COL6A5: variants seen among roughly 807,000 people sequenced by gnomAD.
COL6A5 encodes collagen type VI alpha 5 chain.
In COL6A5, 48 loss-of-function variants were observed where a neutral mutation model predicts 65.6. That is an observed-to-expected ratio of 0.73 (90% CI 0.58 to 0.93). The LOEUF (loss-of-function observed/expected upper bound fraction) is 0.93. Among genes scored for constraint, COL6A5 ranks in the 40% least tolerant of loss-of-function variants. COL6A5 has a pLI of 0.00. For synonymous variants in COL6A5, 291 were observed against 322.8 expected (o/e 0.90, Z 1.05); for missense variants, 914 against 928.3 (o/e 0.98, Z 0.20).
At chr3:130,385,562 G>T (rs1936157646) in intron 5 of COL6A5, among the ~76,000 whole-genome samples, 198 bp downstream of exon 5, 1 of 151,990 alleles carries the variant, frequency 6.6e-6, no homozygotes, top group African/African-American at 2.4e-5. Flanking sequence ...ATAAACAGTT[G>T]CCCCAAGGCC....
chr3:130,376,946 T>C, intron 3 of COL6A5, 110 bp downstream of exon 3: 1 of 1,244,326 alleles, frequency 8.0e-7, no homozygotes, highest in Non-Finnish European at 1.1e-6. Flanking sequence ...CATGTTGAAG[T>C]ATTGGAAACT....
chr3:130,454,780 G>A (rs1441220104), intron 4 of COL6A5, among the ~76,000 whole-genome samples: 1 of 152,104 alleles, frequency 6.6e-6, no homozygotes, highest in Non-Finnish European at 1.5e-5. Context: ...TTTCCATGGT[G>A]ATTGGTATCA....
At chr3:130,437,614 A>G (rs930799732) in intron 1 of COL6A5, among the ~76,000 whole-genome samples, 2 of 151,994 alleles carry the variant, frequency 1.3e-5, no homozygotes, top group African/African-American at 4.8e-5. Flanking sequence ...TCTACCACCC[A>G]ATCCCTCTTA....
chr3:130,355,688 T>C (rs1265599711), intron 1 of COL6A5, among the ~76,000 whole-genome samples: 2 of 151,438 alleles, frequency 1.3e-5, no homozygotes, highest in African/African-American at 4.8e-5. Context: ...AGAAAATGAA[T>C]GGAAACGTGA....
At chr3:130,386,995 A>G (rs1411119914) in intron 5 of COL6A5, among the ~76,000 whole-genome samples, 3 of 152,048 alleles carry the variant, frequency 2.0e-5, no homozygotes. Flanking sequence ...CACAGTACAG[A>G]ATATCATTTT....
intron 7 of COL6A5, among the ~76,000 whole-genome samples, chr3:130,480,781 A>T (rs1205069007): frequency 2.6e-5 from 4 of 152,138 alleles, no homozygotes; most frequent in Non-Finnish European, 5.9e-5. Flanking sequence ...AACCTCTCTA[A>T]GATTCTGTTT....
intron 7 of COL6A5, among the ~76,000 whole-genome samples, chr3:130,483,134 T>C (rs1710291876): frequency 6.6e-6 from 1 of 152,160 alleles, no homozygotes; most frequent in East Asian, 1.9e-4. Context: ...CTAAGCTTTA[T>C]AAGCGAAGGA....
At chr3:130,414,179 C>A in intron 22 of COL6A5, 48 bp downstream of exon 22, 1 of 1,362,836 alleles carries the variant, frequency 7.3e-7, no homozygotes, top group South Asian at 1.3e-5. Context: ...TAAAGTTATT[C>A]TGATGGGAAG....
intron 5 of COL6A5, among the ~76,000 whole-genome samples, chr3:130,460,750 G>A (rs184863802): frequency 3.9e-5 from 6 of 151,960 alleles, no homozygotes; most frequent in African/African-American, 1.4e-4. Flanking sequence ...GGTGGTGGTG[G>A]TAATATTGGT....
chr3:130,417,505 T>C (rs1937378814), intron 24 of COL6A5, among the ~76,000 whole-genome samples: 1 of 152,010 alleles, frequency 6.6e-6, no homozygotes, highest in South Asian at 2.1e-4. Flanking sequence ...CAGAAACAAC[T>C]CTAAAAGATC....
chr3:130,371,440 A>T (rs886219591), intron 1 of COL6A5, among the ~76,000 whole-genome samples: 1 of 152,212 alleles, frequency 6.6e-6, no homozygotes, highest in African/African-American at 2.4e-5. Flanking sequence ...AAGGTAGCAT[A>T]ATCAAGACTA....
intron 10 of COL6A5, among the ~76,000 whole-genome samples, chr3:130,399,324 C>G (rs1037367455): frequency 6.6e-6 from 1 of 151,902 alleles, no homozygotes; most frequent in Non-Finnish European, 1.5e-5. Flanking sequence ...GGGAGCTTTG[C>G]AGAACCTGGC....
At chr3:130,363,965 G>C (rs1935235328) in intron 1 of COL6A5, among the ~76,000 whole-genome samples, 1 of 152,260 alleles carries the variant, frequency 6.6e-6, no homozygotes, top group Non-Finnish European at 1.5e-5. Context: ...CTGTGACAAA[G>C]AAAAATTGTT....
chr3:130,429,839 C>G (rs1937722480), upstream of COL6A5, among the ~76,000 whole-genome samples: 1 of 152,212 alleles, frequency 6.6e-6, no homozygotes, highest in South Asian at 2.1e-4. Context: ...TGGCCCTGTG[C>G]TGCTGGGGGA....
chr3:130,351,718 A>T (rs1934716130), intron 1 of COL6A5, among the ~76,000 whole-genome samples: 1 of 152,234 alleles, frequency 6.6e-6, no homozygotes, highest in Non-Finnish European at 1.5e-5. Flanking sequence ...CAGAGTGTTT[A>T]TTAGTTCAAC....
At chr3:130,393,896 C>T (rs1453424018) in intron 7 of COL6A5, among the ~76,000 whole-genome samples, 1 of 152,188 alleles carries the variant, frequency 6.6e-6, no homozygotes, top group Non-Finnish European at 1.5e-5. Context: ...CCTGAAAGTG[C>T]TGACAGCTAG....
chr3:130,373,200 T>C (rs1935630320), intron 1 of COL6A5, among the ~76,000 whole-genome samples: 2 of 152,162 alleles, frequency 1.3e-5, no homozygotes, highest in Non-Finnish European at 2.9e-5. Flanking sequence ...AGGACAGTAA[T>C]TTTGTATAAA....
chr3:130,393,200 C>T (rs759155608), intron 7 of COL6A5, among the ~76,000 whole-genome samples: 8 of 151,968 alleles, frequency 5.3e-5, no homozygotes, highest in Admixed American at 2.0e-4. Flanking sequence ...GATCACCTCT[C>T]CCCTCTTCAC....
chr3:130,418,745 C>G (rs1309940594), intron 24 of COL6A5, 124 bp from the exon 25 acceptor site: 1 of 726,104 alleles, frequency 1.4e-6, no homozygotes, highest in Non-Finnish European at 2.5e-6. Context: ...TACACTCATC[C>G]CCTTAGTGAG....
Sources: gnomAD v4.1 joint callset for allele counts (sites outside exome capture counted in the v4.1 genomes callset) on GRCh38, gnomAD v4.1.1 for gene constraint, MANE v1.5 for transcripts, NCBI Gene and HGNC (gene_info 2026-07-23, HGNC 2026-07-21) for gene names.